The following HIVEP2 variants were observed in gnomAD, a reference collection of about 807,000 sequenced individuals.
The protein encoded by HIVEP2 is transcription factor HIVEP2.
HIVEP2 carries 14 observed loss-of-function variants against 180.7 expected under a neutral mutation model. The observed-to-expected ratio is 0.08, with a 90% confidence interval of 0.05 to 0.12. HIVEP2 has a LOEUF of 0.12. Ranked by LOEUF, HIVEP2 falls within the 10% of genes least tolerant of loss-of-function variation. The pLI is 1.00. For synonymous variants in HIVEP2, 1,184 were observed against 1,136.4 expected, an observed-to-expected ratio of 1.04 and a Z score of -0.84; for missense variants, 2,579 against 3,008.5, an observed-to-expected ratio of 0.86 and a Z score of 3.34.
At chr6:142,941,663 T>A (rs2128441696) in intron 1 of HIVEP2, among the ~76,000 whole-genome samples, 1 of 152,324 alleles carries the variant, frequency 6.6e-6, no homozygotes, top group Middle Eastern at 3.4e-3. Flanking sequence ...TCTGGATGGG[T>A]TTGAAGTTCC....
chr6:142,876,486 T>A (rs564884582), intron 1 of HIVEP2, among the ~76,000 whole-genome samples: 37 of 152,058 alleles, frequency 2.4e-4, no homozygotes, highest in Non-Finnish European at 4.9e-4. Flanking sequence ...GAAGCTTCCA[T>A]AGTAGACAGG....
intron 6 of HIVEP2, among the ~76,000 whole-genome samples, chr6:142,765,374 C>T (rs984193463): frequency 1.3e-5 from 2 of 152,206 alleles, no homozygotes; most frequent in Non-Finnish European, 2.9e-5. Flanking sequence ...CTTTTGTTAA[C>T]ATTACATCAT....
intron 1 of HIVEP2, among the ~76,000 whole-genome samples, chr6:142,847,076 A>T (rs1260411867): frequency 6.6e-6 from 1 of 152,182 alleles, no homozygotes; most frequent in East Asian, 1.9e-4. Context: ...CTCAACTCTA[A>T]TCCACCCTGT....
At position 142,770,149 on chromosome 6, in the gene HIVEP2, G is replaced by C; in HGVS notation, c.4590C>G (p.Ser1530Arg). The change falls in exon 5 of 10, where the codon AGC becomes AGG. Residue 1530 changes from serine (S) to arginine (R), a missense_variant. Physicochemically the swap from Ser to Arg is moderately radical, Grantham distance 110 (BLOSUM62 -1). Transcript: ENST00000367603. The surrounding 1 kb of genome is among the most constrained non-coding windows in gnomAD (Gnocchi z 4.7). ...GCAGGAATGGCTCCCTGGAAGACGG[G>C]CTAACAGAAGGATAGTCTTGAGATG... ...PSSSQDYPSV[S>R]PSSREPFLPS... is the part of the protein sequence containing the mutation. 1 of 1,614,234 alleles carries C rather than the reference G, an allele frequency of 6.2e-7. No individual in the cohort carries two copies. Among genetic ancestry groups the C allele is most frequent in the Non-Finnish European group, 8.5e-7 (1 of 1,180,042 alleles).
intron 1 of HIVEP2, among the ~76,000 whole-genome samples, chr6:142,896,432 T>A (rs2128423297): frequency 6.6e-6 from 1 of 152,294 alleles, no homozygotes; most frequent in Admixed American, 6.5e-5. Flanking sequence ...CACTGGTTTT[T>A]CGGTCCCTAT....
At chr6:142,877,955 G>A (rs1447484944) in intron 1 of HIVEP2, among the ~76,000 whole-genome samples, 1 of 152,058 alleles carries the variant, frequency 6.6e-6, no homozygotes, top group East Asian at 1.9e-4. Flanking sequence ...ACAAGTGCTG[G>A]GATTGTGTGT....
At chr6:142,846,983 A>T (rs1439717291) in intron 1 of HIVEP2, among the ~76,000 whole-genome samples, 3 of 152,184 alleles carry the variant, frequency 2.0e-5, no homozygotes, top group Admixed American at 6.5e-5. Flanking sequence ...CCACTTTGAG[A>T]AGCCATGCTG....
At chr6:142,812,843 G>A (rs1037777284) in intron 2 of HIVEP2, among the ~76,000 whole-genome samples, 11 of 152,162 alleles carry the variant, frequency 7.2e-5, no homozygotes, top group Non-Finnish European at 1.3e-4. Context: ...ACAGTGGATG[G>A]CAGATTAGAC....
At chr6:142,808,715 A>G (rs1392992669) in intron 2 of HIVEP2, among the ~76,000 whole-genome samples, 1 of 131,608 alleles carries the variant, frequency 7.6e-6, no homozygotes, top group African/African-American at 3.0e-5. Context: ...GATGGAGGAA[A>G]GGATGGGGGA....
chr6:142,773,331 T>C lies in HIVEP2; in HGVS notation c.1408A>G (p.Met470Val). The part of the protein sequence containing the change: ...PHVNTRLDVK[M>V]FEDPVSQLIP... ...AGCTGTGAAACAGGATCTTCAAACA[T>C]CTTGACATCTAACCTGGTGTTAACG... Residue 470 changes from methionine (M) to valine (V), a missense_variant, in exon 5 of 10, where the codon ATG (methionine) becomes GTG (valine). This residue lies in a region of HIVEP2 where 524 missense variants were observed against 563.6 expected (regional missense o/e 0.93). Coordinates refer to ENST00000367603, the MANE Select transcript of HIVEP2 (RefSeq NM_006734.4). The C allele has an allele frequency of 1.2e-6, 2 of 1,614,190 alleles. No homozygotes were observed. The highest frequency in any genetic ancestry group is 1.7e-6 in the Non-Finnish European group (2 of 1,180,018).
At chr6:142,935,381 T>G (rs905454270) in intron 1 of HIVEP2, among the ~76,000 whole-genome samples, 3 of 152,082 alleles carry the variant, frequency 2.0e-5, no homozygotes, top group Non-Finnish European at 4.4e-5. Context: ...AAACCCTGTC[T>G]CCACAAAAAG....
At chr6:142,941,031 T>G (rs1271617476) in intron 1 of HIVEP2, among the ~76,000 whole-genome samples, 1 of 152,244 alleles carries the variant, frequency 6.6e-6, no homozygotes, top group Non-Finnish European at 1.5e-5. Context: ...TTATAGACAC[T>G]TGTAGAAAAA....
intron 1 of HIVEP2, among the ~76,000 whole-genome samples, chr6:142,939,591 TC>T (rs1778128959): frequency 1.3e-5 from 2 of 152,082 alleles, no homozygotes; most frequent in Admixed American, 6.5e-5. Flanking sequence ...ACATTCAAGA[TC>T]CTCAGTAAAA....
chr6:142,845,625 G>A (rs1458793432), intron 1 of HIVEP2, among the ~76,000 whole-genome samples: 2 of 152,194 alleles, frequency 1.3e-5, no homozygotes, highest in African/African-American at 4.8e-5. Flanking sequence ...GGACCATGGT[G>A]GAAACAAAGG....
intron 1 of HIVEP2, among the ~76,000 whole-genome samples, chr6:142,913,960 C>G (rs1777485069): frequency 6.6e-6 from 1 of 152,054 alleles, no homozygotes; most frequent in Non-Finnish European, 1.5e-5. Flanking sequence ...TACCGCAAAA[C>G]TCAGTCAGGT....
At chr6:142,877,966 T>G (rs995384333) in intron 1 of HIVEP2, among the ~76,000 whole-genome samples, 3 of 152,122 alleles carry the variant, frequency 2.0e-5, no homozygotes, top group Non-Finnish European at 4.4e-5. Flanking sequence ...GATTGTGTGT[T>G]TCTGTGTGTG....
In HIVEP2 at chr6:142,753,064, A is replaced by G; in HGVS notation, c.*43T>C. 2 of 1,281,164 alleles carry G rather than the reference A, an allele frequency of 1.6e-6. No individual in the cohort carries two copies. Among genetic ancestry groups the G allele is most frequent in the Non-Finnish European group, 2.3e-6 (2 of 881,298 alleles). 79.4% of individuals were successfully genotyped at this position (1,281,164 alleles called of 1,614,324 possible). ...CCATTTCTAGAAAAACAAAAACAAAAAAATGGGAAAATGTGGAAATGAAAG... is the reference window on the plus strand; with the variant it reads ...CCATTTCTAGAAAAACAAAAACAAAGAAATGGGAAAATGTGGAAATGAAAG... On this transcript the variant is annotated 3_prime_UTR_variant, in exon 10 of 10. Transcript: ENST00000367603.
intron 1 of HIVEP2, among the ~76,000 whole-genome samples, chr6:142,864,754 A>G (rs765876): frequency 0.44 from 66,199 of 152,018 alleles, 15,138 homozygotes; most frequent in South Asian, 0.57. Context: ...ACAGGGTAGG[A>G]AAAATTCACT....
rs1203046466 is a variant in HIVEP2, at chr6:142,773,939, A to T, written c.800T>A (p.Val267Glu). 2 of 1,614,134 alleles carry T rather than the reference A, an allele frequency of 1.2e-6. No homozygotes were observed. Among genetic ancestry groups the T allele is most frequent in the Non-Finnish European group, 1.7e-6 (2 of 1,180,032 alleles). The stretch of plus-strand genomic sequence containing the variant: ...ACCATCTGAATGTATTTCTGCTTCT[A>T]CATCAATAAAACCAGCCTCTAGGTC... Reference protein sequence around the residue: ...KLDLEAGFIDVEAEIHSDGEQ... With the variant: ...KLDLEAGFIDEEAEIHSDGEQ... The change falls in exon 5 of 10, where the codon GTA becomes GAA. Residue 267 changes from valine to glutamate, a missense_variant. Val to Glu is a moderately radical substitution (Grantham distance 121). Transcript: ENST00000367603.
Sources: allele counts gnomAD v4.1 joint callset (sites outside exome capture counted in the v4.1 genomes callset), GRCh38; gene constraint gnomAD v4.1.1; regional missense constraint gnomAD v4.1.1; non-coding constraint Gnocchi (gnomAD v3.1); transcripts MANE v1.5; gene names NCBI Gene and HGNC (gene_info 2026-07-23, HGNC 2026-07-21).